Variants in AKR1C3 observed in about 807,000 individuals in gnomAD.
AKR1C3 encodes aldo-keto reductase family 1 member C3, also known as 3-alpha hydroxysteroid dehydrogenase, type II.
Under a neutral mutation model 43.6 loss-of-function variants are expected in AKR1C3, and 48 were observed. The ratio of observed to expected loss-of-function variants is 1.10; its 90% CI spans 0.87 to 1.40. AKR1C3 has a LOEUF of 1.40. Ranked by LOEUF, AKR1C3 falls within the 40% of genes most tolerant of loss-of-function variation. AKR1C3 has a pLI of 0.00. For synonymous variants in AKR1C3, 162 were observed against 139.6 expected, an observed-to-expected ratio of 1.16 and a Z score of -1.13; for missense variants, 482 against 391.2, an observed-to-expected ratio of 1.23 and a Z score of -1.96.
chr10:5,085,319 A>G (rs1222612758), intron 1 of AKR1C3, among the ~76,000 whole-genome samples: 1 of 151,836 alleles, frequency 6.6e-6, no homozygotes, highest in Non-Finnish European at 1.5e-5. Flanking sequence ...CCTTTTCTGC[A>G]TCTATTGAGA....
At chr10:5,087,614 G>C (rs1838999720) in intron 1 of AKR1C3, among the ~76,000 whole-genome samples, 1 of 151,806 alleles carries the variant, frequency 6.6e-6, no homozygotes, top group Admixed American at 6.6e-5. Context: ...GACCTCAAGT[G>C]ACCCTGCCTC....
chr10:5,094,243 TTC>T, upstream of AKR1C3: 2 of 391,918 alleles, frequency 5.1e-6, no homozygotes, highest in Non-Finnish European at 9.4e-6. Context: ...TACTTAGGAA[TTC>T]TCTTTGATAA....
upstream of AKR1C3, among the ~76,000 whole-genome samples, chr10:5,091,307 T>C (rs1839084149): frequency 6.6e-6 from 1 of 152,108 alleles, no homozygotes; most frequent in South Asian, 2.1e-4. Flanking sequence ...ACAAACGTTA[T>C]GGCTTGAAAC....
At chr10:5,073,572 C>T (rs565726277) in intron 1 of AKR1C3, among the ~76,000 whole-genome samples, 3 of 152,304 alleles carry the variant, frequency 2.0e-5, no homozygotes, top group African/African-American at 7.2e-5. Flanking sequence ...CCACATGACT[C>T]AGCGAGCAGC....
intron 1 of AKR1C3, among the ~76,000 whole-genome samples, chr10:5,056,529 A>G: frequency 6.6e-6 from 1 of 152,168 alleles, no homozygotes; most frequent in African/African-American, 2.4e-5. Context: ...TGAGCTTTCA[A>G]ATGTTTAACA....
chr10:5,105,721 A>G (rs1402036140), intron 8 of AKR1C3, 44 bp downstream of exon 8: 1 of 1,486,170 alleles, frequency 6.7e-7, no homozygotes, highest in East Asian at 2.3e-5. Flanking sequence ...ATTTCTGGAG[A>G]AGGAATGTAG....
intron 1 of AKR1C3, among the ~76,000 whole-genome samples, chr10:5,057,648 A>G (rs1323350444): frequency 6.6e-6 from 1 of 152,104 alleles, no homozygotes; most frequent in Non-Finnish European, 1.5e-5. Context: ...AATTCTCCTT[A>G]GTCCTTCTAG....
At chr10:5,061,097 A>G (rs1421991510) in intron 1 of AKR1C3, among the ~76,000 whole-genome samples, 2 of 152,208 alleles carry the variant, frequency 1.3e-5, no homozygotes, top group African/African-American at 2.4e-5. Flanking sequence ...CCCACAGTGC[A>G]GCGGCGGGCT....
At chr10:5,072,830 CAAG>C (rs1369129276) in intron 1 of AKR1C3, among the ~76,000 whole-genome samples, 4 of 152,122 alleles carry the variant, frequency 2.6e-5, no homozygotes, top group African/African-American at 9.7e-5. Context: ...TCATTTATCT[CAAG>C]AAGATGCATG....
chr10:5,105,935 T>C (rs1017879718), intron 8 of AKR1C3, among the ~76,000 whole-genome samples: 23 of 152,332 alleles, frequency 1.5e-4, no homozygotes, highest in South Asian at 6.2e-4. Flanking sequence ...TTGCCAAGTC[T>C]GCACGTTCCA....
At chr10:5,064,453 C>T (rs558206052) in intron 1 of AKR1C3, among the ~76,000 whole-genome samples, 1 of 152,200 alleles carries the variant, frequency 6.6e-6, no homozygotes, top group African/African-American at 2.4e-5. Context: ...CAGGAAATAC[C>T]ATTCTGAAAT....
chr10:5,064,759 T>C (rs1838459906), intron 1 of AKR1C3, among the ~76,000 whole-genome samples: 1 of 152,038 alleles, frequency 6.6e-6, no homozygotes, highest in Non-Finnish European at 1.5e-5. Context: ...GACATACTTG[T>C]GGCAAACATA....
At chr10:5,079,890 G>C (rs1484199077) in intron 1 of AKR1C3, among the ~76,000 whole-genome samples, 3 of 152,140 alleles carry the variant, frequency 2.0e-5, no homozygotes, top group Non-Finnish European at 2.9e-5. Context: ...ATGTAATCAA[G>C]TCACCAAAAC....
intron 6 of AKR1C3, 48 bp downstream of exon 6, chr10:5,102,258 A>C: frequency 8.8e-6 from 14 of 1,592,178 alleles, no homozygotes; most frequent in Non-Finnish European, 1.2e-5. Flanking sequence ...TTTGCAGAAA[A>C]TTTTTTAGTC....
intron 1 of AKR1C3, among the ~76,000 whole-genome samples, chr10:5,070,434 C>G (rs566854687): frequency 6.6e-6 from 1 of 152,216 alleles, no homozygotes; most frequent in African/African-American, 2.4e-5. Flanking sequence ...CGTAGTGGCT[C>G]AAGGGCCTCG....
intron 1 of AKR1C3, among the ~76,000 whole-genome samples, chr10:5,070,254 C>A (rs1554781210): frequency 6.6e-6 from 1 of 152,228 alleles, no homozygotes; most frequent in East Asian, 1.9e-4. Context: ...GCTGGAATTT[C>A]TCCTGGCTGG....
At chr10:5,092,910 TA>T (rs1839126107), upstream of AKR1C3, among the ~76,000 whole-genome samples, 1 of 152,104 alleles carries the variant, frequency 6.6e-6, no homozygotes, top group Non-Finnish European at 1.5e-5. Context: ...GACATTTTTC[TA>T]ACTCTATATA....
Position 5,107,398 on chromosome 10 carries a change from C to G in AKR1C3, c.930-63C>G. The G allele has an allele frequency of 2.5e-6, 3 of 1,179,172 alleles. No homozygotes were observed. The South Asian group carries it at 3.8e-5, about 15-fold the overall frequency. 73.0% of individuals were successfully genotyped at this position (1,179,172 alleles called of 1,614,324 possible). A position where few individuals can be genotyped will look rare whatever the true frequency, so the allele number is the denominator to read the frequency against. The stretch of plus-strand genomic sequence containing the variant: ...ATACTAATGACAGCTTCATTGAAAT[C>G]ACTTTACTACTCCCCTAGTAATGGA... On this transcript the variant is annotated intron_variant, in intron 8 of 8. Coordinates refer to ENST00000380554, the MANE Select transcript of AKR1C3 (RefSeq NM_003739.6).
intron 1 of AKR1C3, among the ~76,000 whole-genome samples, chr10:5,059,086 T>C (rs1838324069): frequency 6.6e-6 from 1 of 152,166 alleles, no homozygotes; most frequent in African/African-American, 2.4e-5. Flanking sequence ...ACATCCTAGC[T>C]TCAGGAATAG....
Sources: allele counts gnomAD v4.1 joint callset (sites outside exome capture counted in the v4.1 genomes callset), GRCh38; gene constraint gnomAD v4.1.1; transcripts MANE v1.5; gene names NCBI Gene and HGNC (gene_info 2026-07-23, HGNC 2026-07-21).